Variants in CALN1 observed in about 807,000 individuals in gnomAD.
The protein encoded by CALN1 is calneuron 1, also known as calcium-binding protein 8.
Under a neutral mutation model 30.6 loss-of-function variants are expected in CALN1, and 17 were observed. That is an observed-to-expected ratio of 0.56 (90% CI 0.38 to 0.83). The LOEUF is 0.83. Ranked by LOEUF, CALN1 falls within the 40% of genes least tolerant of loss-of-function variation. The pLI is 0.00. For synonymous variants in CALN1, 156 were observed against 131.4 expected, an observed-to-expected ratio of 1.19 and a Z score of -1.28; for missense variants, 291 against 354.9, an observed-to-expected ratio of 0.82 and a Z score of 1.45.
chr7:71,796,247 C>A (rs1348363934), intron 6 of CALN1, among the ~76,000 whole-genome samples: 1 of 152,082 alleles, frequency 6.6e-6, no homozygotes, highest in East Asian at 1.9e-4. Context: ...ATGAGTCATG[C>A]CGCTATGAAC....
chr7:71,843,565 G>A (rs1027819446), intron 5 of CALN1, among the ~76,000 whole-genome samples: 2 of 152,168 alleles, frequency 1.3e-5, no homozygotes, highest in Admixed American at 1.3e-4. Context: ...CGAGGCTGCT[G>A]TGAGCTATGA....
In CALN1 at chr7:72,178,918, TTTTCAATA is replaced by T. The variant is rs1191012634; in HGVS notation, c.245-72632_245-72625del. Among the ~76,000 whole-genome samples, 5 of 152,186 alleles carry T rather than the reference TTTTCAATA, an allele frequency of 3.3e-5. No homozygotes were observed. In the East Asian group the frequency reaches 9.6e-4, roughly 29 times the overall value. On this transcript the variant is annotated intron_variant, in intron 3 of 6. Transcript: ENST00000395275. ...AAGTCTGAAGTCTGGGTTTTCCGTG[TTTTCAATA>T]TTTGTGGTCTTTAGGCATCATGGCT... is the stretch of plus-strand genomic sequence containing the variant.
chr7:71,842,535 C>T (rs543915813), intron 5 of CALN1, among the ~76,000 whole-genome samples: 28 of 152,298 alleles, frequency 1.8e-4, no homozygotes, highest in African/African-American at 6.0e-4. Flanking sequence ...AAGACATCCA[C>T]GTTTACAGTG....
chr7:72,007,866 C>T (rs1799860388), intron 5 of CALN1, among the ~76,000 whole-genome samples: 1 of 152,126 alleles, frequency 6.6e-6, no homozygotes, highest in African/African-American at 2.4e-5. Flanking sequence ...TGGGCCCAAC[C>T]TCAAAAGACT....
chr7:72,044,598 A>AT (rs1563005478), intron 4 of CALN1, among the ~76,000 whole-genome samples: 2 of 114,430 alleles, frequency 1.7e-5, no homozygotes, highest in African/African-American at 6.9e-5. Context: ...TCCGCTTAAA[A>AT]CTTTTTTTTT....
At chr7:71,830,289 C>T (rs532528139) in intron 5 of CALN1, among the ~76,000 whole-genome samples, 30 of 150,354 alleles carry the variant, frequency 2.0e-4, no homozygotes, top group East Asian at 6.0e-4. Flanking sequence ...GTGATCCACC[C>T]GCCTCGGCCT....
At chr7:72,079,074 C>G (rs377748472) in intron 4 of CALN1, among the ~76,000 whole-genome samples, 1 of 152,168 alleles carries the variant, frequency 6.6e-6, no homozygotes. Context: ...GAGGTCCTTA[C>G]GAAATGCCAG....
At chr7:72,468,903 G>A in the CALN1 span, among the ~76,000 whole-genome samples, 3 of 152,040 alleles carry the variant, frequency 2.0e-5, no homozygotes, top group African/African-American at 7.2e-5. Context: ...TTTAAATTCA[G>A]TTGTCTTTTT....
chr7:72,057,259 A>C (rs1803318753), intron 4 of CALN1, among the ~76,000 whole-genome samples: 1 of 152,198 alleles, frequency 6.6e-6, no homozygotes, highest in South Asian at 2.1e-4. Context: ...ATTTTAAGTG[A>C]AAAGACAGAG....
chr7:72,048,660 C>T (rs1298776122), intron 4 of CALN1, among the ~76,000 whole-genome samples: 1 of 148,870 alleles, frequency 6.7e-6, no homozygotes, highest in Non-Finnish European at 1.5e-5. Context: ...TCCTTTTCCT[C>T]CCTCCCTTCC....
At chr7:71,982,766 C>G (rs1798466971) in intron 5 of CALN1, among the ~76,000 whole-genome samples, 1 of 152,140 alleles carries the variant, frequency 6.6e-6, no homozygotes, top group East Asian at 1.9e-4. Context: ...GAAAGCAGCC[C>G]CCAAATCATT....
At chr7:71,955,031 T>C (rs945335678) in intron 5 of CALN1, among the ~76,000 whole-genome samples, 15 of 152,316 alleles carry the variant, frequency 9.8e-5, no homozygotes, top group South Asian at 2.1e-4. Context: ...CTAATAAAGA[T>C]ATACCCAAGT....
intron 5 of CALN1, among the ~76,000 whole-genome samples, chr7:71,962,481 C>A (rs1023699008): frequency 1.3e-5 from 2 of 152,164 alleles, no homozygotes; most frequent in African/African-American, 4.8e-5. Context: ...GAACTGCTGG[C>A]AAAAGCCATG....
chr7:72,214,627 A>T (rs1389151184), intron 3 of CALN1, among the ~76,000 whole-genome samples: 1 of 151,942 alleles, frequency 6.6e-6, no homozygotes, highest in African/African-American at 2.4e-5. Context: ...CAAGAAAAGA[A>T]AAAAAAATAG....
chr7:71,815,226 G>C (rs1788191026), intron 5 of CALN1, among the ~76,000 whole-genome samples: 1 of 152,102 alleles, frequency 6.6e-6, no homozygotes, highest in African/African-American at 2.4e-5. Flanking sequence ...AATTATACTT[G>C]GATTTTTGAC....
the CALN1 span, among the ~76,000 whole-genome samples, chr7:72,457,477 T>C: frequency 2.0e-5 from 3 of 152,136 alleles, no homozygotes; most frequent in Non-Finnish European, 4.4e-5. Context: ...CTTGGGGCCT[T>C]AGTGAGTGCT....
chr7:72,454,340 G>A, the CALN1 span, among the ~76,000 whole-genome samples: 6 of 152,298 alleles, frequency 3.9e-5, no homozygotes, highest in South Asian at 1.2e-3. Context: ...ATGAGACCTG[G>A]AGAGCAGGCT....
chr7:72,114,687 A>T (rs1354905437), intron 3 of CALN1, among the ~76,000 whole-genome samples: 1 of 152,112 alleles, frequency 6.6e-6, no homozygotes, highest in Non-Finnish European at 1.5e-5. Flanking sequence ...AGGCAGAGGG[A>T]AGTGTGCTAG....
chr7:71,787,962 G>C (rs1370639579), intron 6 of CALN1, 60 bp from the exon 7 acceptor site: 4 of 1,608,276 alleles, frequency 2.5e-6, no homozygotes, highest in Non-Finnish European at 3.4e-6. Context: ...AGAGAGAAGA[G>C]AGAAATAACA....
Sources: allele counts gnomAD v4.1 joint callset (sites outside exome capture counted in the v4.1 genomes callset), GRCh38; gene constraint gnomAD v4.1.1; transcripts MANE v1.5; gene names NCBI Gene and HGNC (gene_info 2026-07-23, HGNC 2026-07-21).